Variants in DISP1 observed in about 807,000 individuals in gnomAD.
The protein encoded by DISP1 is protein dispatched homolog 1.
Under a neutral mutation model 37.3 loss-of-function variants are expected in DISP1, and 30 were observed. The observed-to-expected ratio is 0.80, with a 90% CI of 0.60 to 1.09. The LOEUF is 1.09. Ranked by LOEUF, DISP1 falls within the 50% of genes least tolerant of loss-of-function variation. DISP1 has a pLI of 0.00. For missense variants in DISP1, 1,598 were observed against 1,879.5 expected (o/e 0.85, Z 2.77); for synonymous variants, 634 against 690.2 (o/e 0.92, Z 1.28).
chr1:222,821,544 G>T (rs925958274), intron 1 of DISP1, among the ~76,000 whole-genome samples: 2 of 152,088 alleles, frequency 1.3e-5, no homozygotes, highest in African/African-American at 4.8e-5. Flanking sequence ...TGGTGTTCTC[G>T]TGATAGTGAA....
rs966094631 is a variant in DISP1 at position 223,005,515 on chromosome 1, A to T, written c.4118A>T (p.Asn1373Ile). 5.6e-6 allele frequency: 9 copies of T among 1,614,116 alleles called. No homozygotes were observed. Among genetic ancestry groups the T allele is most frequent in the Non-Finnish European group, 6.8e-6 (8 of 1,180,024 alleles). Residue 1373 changes from asparagine (N) to isoleucine (I), a missense_variant, in exon 9 of 9, where the codon AAT becomes ATT. Physicochemically the swap from Asn to Ile is moderately radical, Grantham distance 149. Transcript: ENST00000675850. ...IQAQEKIGKT[N>I]VHSLQRSIEE... is the part of the protein sequence containing the mutation. ...GCCCAAGAAAAAATTGGCAAGACCA[A>T]TGTACACAGTCTTCAGAGGAGCATA...
At chr1:222,965,997 C>T (rs1304003784) in intron 3 of DISP1, among the ~76,000 whole-genome samples, 6 of 152,068 alleles carry the variant, frequency 3.9e-5, no homozygotes, top group African/African-American at 1.2e-4. Context: ...TGAGCCACTG[C>T]ACTCCTGGGG....
At chr1:222,903,303 T>C (rs1416757656) in intron 1 of DISP1, among the ~76,000 whole-genome samples, 1 of 32,668 alleles carries the variant, frequency 3.1e-5, no homozygotes, top group Non-Finnish European at 5.6e-5. Flanking sequence ...TGTTGTGGGG[T>C]GGGGGGAGGG....
intron 2 of DISP1, among the ~76,000 whole-genome samples, chr1:222,936,764 A>AAAATTATATATATCATATATATGATATAT (rs1553331593): frequency 2.8e-4 from 14 of 50,824 alleles, no homozygotes; most frequent in Admixed American, 1.4e-3. Flanking sequence ...ATGATATATA[A>AAAATTATATATATCATATATATGATATAT]AAATTATATA....
intron 1 of DISP1, among the ~76,000 whole-genome samples, chr1:222,831,318 T>C (rs191954376): frequency 4.6e-4 from 70 of 152,312 alleles, no homozygotes; most frequent in Middle Eastern, 3.4e-3. Context: ...TTAAACGATA[T>C]GTAAAAAATG....
At chr1:222,977,093 G>A (rs1436289898) in intron 3 of DISP1, among the ~76,000 whole-genome samples, 1 of 152,066 alleles carries the variant, frequency 6.6e-6, no homozygotes, top group African/African-American at 2.4e-5. Context: ...ACAATGGCGC[G>A]ATCTCGGTTC....
intron 2 of DISP1, among the ~76,000 whole-genome samples, chr1:222,935,639 G>A (rs1461967296): frequency 6.6e-6 from 1 of 152,138 alleles, no homozygotes; most frequent in Non-Finnish European, 1.5e-5. Context: ...AGTTGATGGG[G>A]ATGAAAATGG....
At chr1:222,833,151 T>C (rs962657767) in intron 1 of DISP1, among the ~76,000 whole-genome samples, 2 of 152,178 alleles carry the variant, frequency 1.3e-5, no homozygotes, top group Middle Eastern at 3.4e-3. Context: ...AAACGCATAC[T>C]GAGTAGGCAG....
rs780075026 is a variant in DISP1 at position 223,004,958 on chromosome 1, G to A, written c.3561G>A (p.Leu1187=). 1.9e-6 allele frequency: 3 copies of A among 1,613,658 alleles called. No homozygotes were observed. The highest frequency in any genetic ancestry group is 2.2e-5 in the South Asian group (2 of 91,070). Residue 1187 remains leucine (L), a synonymous_variant, in exon 9 of 9, where the codon CTG becomes CTA. Transcript: ENST00000675850. This position sits in a 1 kb window ranked among gnomAD's most constrained non-coding sequence, Gnocchi z 4.9. ...HLDPRGPKSE[L]EHEFYELEPL... is the part of the protein sequence containing the mutation. ...ATCCCAGGGGCCCAAAATCTGAACT[G>A]GAGCATGAGTTTTATGAATTAGAAC...
intron 2 of DISP1, among the ~76,000 whole-genome samples, chr1:222,937,977 G>A (rs1674097091): frequency 6.6e-6 from 1 of 151,996 alleles, no homozygotes. Flanking sequence ...GGGCTCAAGT[G>A]ATCCTCCCAT....
chr1:223,001,975 G>A (rs1572743487), intron 8 of DISP1, among the ~76,000 whole-genome samples: 1 of 152,278 alleles, frequency 6.6e-6, no homozygotes, highest in East Asian at 1.9e-4. Context: ...CATATATCAA[G>A]TGTACGGTTT....
chr1:222,989,568 C>T (rs1019011413), intron 4 of DISP1: 1 of 985,002 alleles, frequency 1.0e-6, no homozygotes, highest in Admixed American at 6.2e-5. Context: ...AGAAAGGGCC[C>T]AGTGTTAGGA....
intron 2 of DISP1, among the ~76,000 whole-genome samples, chr1:222,941,262 G>C (rs535612995): frequency 2.0e-5 from 3 of 152,202 alleles, no homozygotes; most frequent in African/African-American, 7.2e-5. Context: ...TTTTACAGTG[G>C]ATGTTTGTTT....
intron 1 of DISP1, chr1:222,872,221 C>G (rs528752467): frequency 5.9e-5 from 9 of 152,426 alleles, no homozygotes; most frequent in South Asian, 2.1e-4. Flanking sequence ...CATCAATGTT[C>G]ATCAAGGATA....
At position 222,885,469 on chromosome 1, in the gene DISP1, CT is replaced by C. The variant is rs759594613; in HGVS notation, c.-158-42944del. Among the ~76,000 whole-genome samples, 385 of 132,816 alleles carry C rather than the reference CT, an allele frequency of 2.9e-3. 1 individual carries two copies. Among genetic ancestry groups the C allele is most frequent in the African/African-American group, 4.3e-3 (157 of 36,382 alleles). 87.1% of individuals were successfully genotyped at this position (132,816 alleles called of 152,430 possible). ...GCTCCAAGGAGCCCTGATTTCTTTTCTTTTTTTTTTTTTTTTTGAGACAAGA... is the reference window on the plus strand; with the variant it reads ...GCTCCAAGGAGCCCTGATTTCTTTTCTTTTTTTTTTTTTTTTGAGACAAGA... On this transcript the variant is annotated intron_variant, in intron 1 of 8. Coordinates refer to ENST00000675850, the MANE Select transcript of DISP1 (RefSeq NM_001377229.1).
In DISP1 at chr1:223,003,684, C is replaced by A; in HGVS notation, c.2287C>A (p.Arg763Ser). Residue 763 changes from arginine to serine, a missense_variant, in exon 9 of 9, where the codon CGT becomes AGT. By Grantham distance (110) the Arg-to-Ser change is moderately radical. Coordinates refer to ENST00000675850, the MANE Select transcript of DISP1 (RefSeq NM_001377229.1). The surrounding 1 kb of genome is among the most constrained non-coding windows in gnomAD (Gnocchi z 4.3). ...GTTCCGGTCGTCCCATCCTTTTGAG[C>A]GTTATGATGCTGAATACAAAAAGCT... The part of the protein sequence containing the change: ...QVFRSSHPFE[R>S]YDAEYKKLFM... 6.2e-7 allele frequency: 1 copy of A among 1,614,078 alleles called. No individual in the cohort carries two copies. The highest frequency in any genetic ancestry group is 8.5e-7 in the Non-Finnish European group (1 of 1,180,020).
intron 1 of DISP1, among the ~76,000 whole-genome samples, chr1:222,874,192 C>G (rs1192808466): frequency 2.6e-5 from 4 of 152,230 alleles, no homozygotes; most frequent in African/African-American, 9.6e-5. Context: ...ACCTTTCTCT[C>G]TGGCTGCCCT....
intron 1 of DISP1, among the ~76,000 whole-genome samples, chr1:222,832,108 C>T (rs1372890879): frequency 1.3e-5 from 2 of 151,668 alleles, no homozygotes; most frequent in South Asian, 2.1e-4. Flanking sequence ...GATGAAACCC[C>T]GTCTCTACTA....
intron 3 of DISP1, among the ~76,000 whole-genome samples, chr1:222,980,103 A>G (rs1677724140): frequency 6.6e-6 from 1 of 152,236 alleles, no homozygotes; most frequent in South Asian, 2.1e-4. Flanking sequence ...TATATCCAGG[A>G]TACTCAAAAG....
Sources: allele counts gnomAD v4.1 joint callset (sites outside exome capture counted in the v4.1 genomes callset), GRCh38; gene constraint gnomAD v4.1.1; non-coding constraint Gnocchi (gnomAD v3.1); transcripts MANE v1.5; gene names NCBI Gene and HGNC (gene_info 2026-07-23, HGNC 2026-07-21).